BDP1: variants seen among roughly 807,000 people sequenced by gnomAD.
BDP1 encodes BDP1 general transcription factor IIIB subunit.
In BDP1, 169 loss-of-function variants were observed where a neutral mutation model predicts 266.6. The ratio of observed to expected loss-of-function variants is 0.63; its 90% CI spans 0.56 to 0.72. The LOEUF is 0.72. Ranked by LOEUF, BDP1 falls within the 30% of genes least tolerant of loss-of-function variation. The pLI is 0.00. For synonymous variants in BDP1, 1,090 were observed against 1,022.4 expected (o/e 1.07, Z -1.26); for missense variants, 3,015 against 3,053.8 (o/e 0.99, Z 0.30).
intron 5 of BDP1, 32 bp downstream of exon 5, chr5:71,466,253 G>T (rs1210794577): frequency 6.2e-7 from 1 of 1,612,706 alleles, no homozygotes; most frequent in Admixed American, 1.7e-5. Flanking sequence ...TGAGATTGTG[G>T]TTACATGAGA....
rs458009 is a variant in BDP1 at position 71,557,235 on chromosome 5, T to A, written c.7240+310T>A. The stretch of plus-strand genomic sequence containing the variant: ...TTCTCCCCCGCCCCGCCAAGACAGG[T>A]TCTCACTCTGTTACCTAGGCTGGAG... On this transcript the variant is annotated intron_variant, in intron 36 of 38. Coordinates refer to ENST00000358731, the MANE Select transcript of BDP1 (RefSeq NM_018429.3). Among the ~76,000 whole-genome samples, 67,651 of 151,720 alleles carry A rather than the reference T, an allele frequency of 0.45. 15,456 individuals carry two copies. The highest frequency in any genetic ancestry group is 0.55 in the South Asian group (2,643 of 4,820).
chr5:71,457,302 A>G (rs1761253598), intron 1 of BDP1, among the ~76,000 whole-genome samples: 2 of 149,282 alleles, frequency 1.3e-5, no homozygotes, highest in Non-Finnish European at 3.0e-5. Context: ...GACTCTGGGA[A>G]AGTGGTTTTT....
At chr5:71,516,818 GTAGT>G (rs1398803318) in intron 21 of BDP1, among the ~76,000 whole-genome samples, 1 of 151,864 alleles carries the variant, frequency 6.6e-6, no homozygotes, top group African/African-American at 2.4e-5. Context: ...TTCATTTTAG[GTAGT>G]TCTTATTTTT....
At position 71,463,273 on chromosome 5, in the gene BDP1, C is replaced by G. The variant is rs151241034; in HGVS notation, c.600-785C>G. Among the ~76,000 whole-genome samples the G allele has an allele frequency of 9.2e-3, 1,404 of 152,136 alleles. 15 individuals are homozygous for G. Among genetic ancestry groups the G allele is most frequent in the Middle Eastern group, 0.034 (10 of 294 alleles). On this transcript the variant is annotated intron_variant, in intron 3 of 38. Coordinates refer to ENST00000358731, the MANE Select transcript of BDP1 (RefSeq NM_018429.3). ...ACAAAGCTTCTTTATTAAAGTTAGCCTGGGGTTTCTGAGGCAGGTTTATAA... is the reference window on the plus strand; with the variant it reads ...ACAAAGCTTCTTTATTAAAGTTAGCGTGGGGTTTCTGAGGCAGGTTTATAA...
chr5:71,516,377 T>C (rs567508870), intron 21 of BDP1, 106 bp downstream of exon 21: 124 of 803,860 alleles, frequency 1.5e-4, no homozygotes, highest in Non-Finnish European at 2.3e-4. Flanking sequence ...CTTATTCTAC[T>C]CAATGAATAC....
At chr5:71,462,011 G>A (rs1761607187) in intron 3 of BDP1, 85 bp downstream of exon 3, 1 of 740,602 alleles carries the variant, frequency 1.4e-6, no homozygotes. Flanking sequence ...CACCCGGGCT[G>A]GAGTGCAGTG....
Position 71,510,341 on chromosome 5 carries a change from C to T in BDP1, c.3249C>T (p.Ala1083=), listed in dbSNP as rs1764837558. 1 of 1,613,054 alleles carries T rather than the reference C, an allele frequency of 6.2e-7. No individual in the cohort carries two copies. Among genetic ancestry groups the T allele is most frequent in the East Asian group, 2.2e-5 (1 of 44,760 alleles). ...GGAAGACACCAGAGGTGATTGATGC[C>T]ATTGAGGAAATAGAGATAGATTTGG... ...PRGKTPEVID[A]IEEIEIDLEE... The change falls in exon 17 of 39, where the codon GCC becomes GCT. Residue 1083 remains alanine, a synonymous_variant. Coordinates refer to ENST00000358731, the MANE Select transcript of BDP1 (RefSeq NM_018429.3).
intron 22 of BDP1, among the ~76,000 whole-genome samples, chr5:71,520,560 T>C (rs895199773): frequency 6.6e-6 from 1 of 152,194 alleles, no homozygotes; most frequent in Non-Finnish European, 1.5e-5. Flanking sequence ...TTACTAATTA[T>C]GGGATTATTT....
intron 9 of BDP1, among the ~76,000 whole-genome samples, chr5:71,486,848 T>G (rs1057256442): frequency 6.6e-6 from 1 of 152,194 alleles, no homozygotes; most frequent in African/African-American, 2.4e-5. Context: ...ATTTGATATC[T>G]CTCTAGCATA....
chr5:71,492,658 A>T (rs1763661823), intron 11 of BDP1, among the ~76,000 whole-genome samples: 1 of 152,076 alleles, frequency 6.6e-6, no homozygotes, highest in South Asian at 2.1e-4. Context: ...CAGAAATATG[A>T]TTTACACATT....
At chr5:71,525,559 C>T (rs1297723406) in intron 25 of BDP1, among the ~76,000 whole-genome samples, 2 of 67,398 alleles carry the variant, frequency 3.0e-5, no homozygotes, top group East Asian at 4.3e-4. Context: ...CCACCTCCCT[C>T]CCGGATGGGG....
In BDP1 at chr5:71,489,572, A is replaced by G. The variant is rs751002388; in HGVS notation, c.1382A>G (p.Gln461Arg). 8 of 1,614,028 alleles carry G rather than the reference A, an allele frequency of 5.0e-6. No homozygotes were observed. Among genetic ancestry groups the G allele is most frequent in the Admixed American group, 1.7e-5 (1 of 59,998 alleles). Residue 461 changes from glutamine to arginine, a missense_variant, in exon 10 of 39, where the codon CAA (glutamine) becomes CGA (arginine). Coordinates refer to ENST00000358731, the MANE Select transcript of BDP1 (RefSeq NM_018429.3). ...GTTGCATTAGAAGTAGACCTAAATC[A>G]AAAGAAAAGAAGGAGGAAGAAGCAA... Reference protein sequence around the residue: ...EQVALEVDLNQKKRRRKKQDG... With the variant: ...EQVALEVDLNRKKRRRKKQDG...
rs572066041 is a variant in BDP1, at chr5:71,459,033, A to G, written c.489+178A>G. Among the ~76,000 whole-genome samples the G allele has an allele frequency of 7.6e-4, 116 of 152,204 alleles. 1 individual carries two copies. The highest frequency in any genetic ancestry group is 2.6e-4 in the Non-Finnish European group (18 of 68,014). On this transcript the variant is annotated intron_variant, in intron 2 of 38. Transcript: ENST00000358731. ...TTGATACACCGTGGACTTAAATTAC[A>G]TTTTTCACTGATAGTAATTTTTACA... is the stretch of plus-strand genomic sequence containing the variant.
Position 71,515,111 on chromosome 5 carries a change from TG to T in BDP1, c.4639del (p.Val1547PhefsTer8). ...SAPVQKNDSV[V>X]SVGTNNVNTF... ...CACCAGTCCAGAAAAATGACTCAGTTGTTTCTGTGGGGTAAACAGTGATTTT... is the reference window on the plus strand; with the variant it reads ...CACCAGTCCAGAAAAATGACTCAGTTTTTCTGTGGGGTAAACAGTGATTTT... On this transcript the variant is annotated frameshift_variant, in exon 20 of 39. Coordinates refer to ENST00000358731, the MANE Select transcript of BDP1 (RefSeq NM_018429.3). LOFTEE classifies it high-confidence loss of function. The T allele has an allele frequency of 6.3e-7, 1 of 1,595,634 alleles. No individual in the cohort carries two copies. Among genetic ancestry groups the T allele is most frequent in the Non-Finnish European group, 8.5e-7 (1 of 1,174,558 alleles).
chr5:71,549,053 A>G (rs999234519), intron 33 of BDP1, among the ~76,000 whole-genome samples: 1 of 152,190 alleles, frequency 6.6e-6, no homozygotes, highest in Non-Finnish European at 1.5e-5. Flanking sequence ...AGCCTGGCCA[A>G]CATGGTGAAA....
At chr5:71,458,420 T>A (rs1349468448) in intron 1 of BDP1, among the ~76,000 whole-genome samples, 159 bp from the exon 2 acceptor site, 4 of 152,152 alleles carry the variant, frequency 2.6e-5, no homozygotes, top group Non-Finnish European at 5.9e-5. Flanking sequence ...TAAACAAATT[T>A]TTTTGTAACC....
In BDP1 at chr5:71,483,281, C is replaced by T. The variant is rs1763070431; in HGVS notation, c.1015-561C>T. Among the ~76,000 whole-genome samples, 3 of 152,096 alleles carry T rather than the reference C, an allele frequency of 2.0e-5. No homozygotes were observed. In the South Asian group the frequency reaches 6.2e-4, roughly 32 times the overall value. The stretch of plus-strand genomic sequence containing the variant: ...CCTAATGACTTTAGGATGGATTGAG[C>T]CTTAAGCCTTAAACATCTCCCTCTT... On this transcript the variant is annotated intron_variant, in intron 7 of 38. Transcript: ENST00000358731.
At chr5:71,527,187 C>T (rs138532140) in intron 25 of BDP1, among the ~76,000 whole-genome samples, 16 of 152,262 alleles carry the variant, frequency 1.1e-4, no homozygotes, top group African/African-American at 2.9e-4. Flanking sequence ...TCCCAAAGTG[C>T]GGGGATTACA....
At chr5:71,505,297 A>G (rs1374165664) in intron 16 of BDP1, among the ~76,000 whole-genome samples, 1 of 152,112 alleles carries the variant, frequency 6.6e-6, no homozygotes, top group Non-Finnish European at 1.5e-5. Context: ...GTGAGCCATC[A>G]CACCCAGCCA....
Sources: gnomAD v4.1 joint callset for allele counts (sites outside exome capture counted in the v4.1 genomes callset) on GRCh38, gnomAD v4.1.1 for gene constraint, MANE v1.5 for transcripts, NCBI Gene and HGNC (gene_info 2026-07-23, HGNC 2026-07-21) for gene names.